Variants in UGT3A1 observed in about 807,000 individuals in gnomAD.
UGT3A1 encodes the protein UDP-glycosyltransferase 3A1.
Under a neutral mutation model 37.6 loss-of-function variants are expected in UGT3A1, and 40 were observed. That is an observed-to-expected ratio of 1.06 (90% CI 0.83 to 1.38). The LOEUF is 1.38. Among genes scored for constraint, UGT3A1 ranks in the 40% most tolerant of loss-of-function variants. The pLI is 0.00. For synonymous variants in UGT3A1, 256 were observed against 232.3 expected, an observed-to-expected ratio of 1.10 and a Z score of -0.93; for missense variants, 642 against 634.2, an observed-to-expected ratio of 1.01 and a Z score of -0.13.
Position 35,954,500 on chromosome 5 carries a change from G to A in UGT3A1, c.1296-22C>T, listed in dbSNP as rs1230088596. ...GTACCTGTTGGCGGAGACAGAGAGGGTGTGTTACTGACGTAGCCTCACAAG... is the reference window on the plus strand; with the variant it reads ...GTACCTGTTGGCGGAGACAGAGAGGATGTGTTACTGACGTAGCCTCACAAG... On this transcript the variant is annotated intron_variant, in intron 6 of 6. Transcript: ENST00000274278. 4.3e-6 allele frequency: 7 copies of A among 1,610,508 alleles called. No homozygotes were observed. In the South Asian group the frequency reaches 5.5e-5, roughly 13 times the overall value.
At chr5:35,991,752 C>T, upstream of UGT3A1, 1 of 586,762 alleles carries the variant, frequency 1.7e-6, no homozygotes, top group Non-Finnish European at 2.2e-6. Context: ...TAGCTGGTGT[C>T]CCAAGCTCAA....
chr5:35,984,140 T>C (rs1213232439), intron 2 of UGT3A1, among the ~76,000 whole-genome samples: 1 of 152,182 alleles, frequency 6.6e-6, no homozygotes, highest in Admixed American at 6.5e-5. Context: ...CATGATTTTA[T>C]ACTTAAAAAA....
At chr5:35,976,340 C>T (rs538562865) in intron 2 of UGT3A1, among the ~76,000 whole-genome samples, 1 of 152,236 alleles carries the variant, frequency 6.6e-6, no homozygotes, top group South Asian at 2.1e-4. Context: ...TCTCTTAGGG[C>T]ATCTCTAAGT....
intron 2 of UGT3A1, among the ~76,000 whole-genome samples, chr5:35,979,814 T>C (rs1445896): frequency 0.27 from 41,411 of 152,130 alleles, 6,976 homozygotes; most frequent in Non-Finnish European, 0.38. Flanking sequence ...AGATATTTAA[T>C]GGACTCACAG....
At chr5:35,962,702 T>C in intron 4 of UGT3A1, 2 of 574,646 alleles carry the variant, frequency 3.5e-6, no homozygotes, top group South Asian at 4.3e-5. Context: ...AGCTGCCAGA[T>C]GGTATCACAA....
At position 35,954,011 on chromosome 5, in the gene UGT3A1, C is replaced by T. The variant is rs1487860083; in HGVS notation, c.*191G>A. 3 of 619,920 alleles carry T rather than the reference C, an allele frequency of 4.8e-6. No homozygotes were observed. Among genetic ancestry groups the T allele is most frequent in the Non-Finnish European group, 5.4e-6 (2 of 368,734 alleles). The allele number at this position is 619,920 out of a possible 1,614,324, so 38.4% of individuals were successfully genotyped here. A position where few individuals can be genotyped will look rare whatever the true frequency, so the allele number is the denominator to read the frequency against. ...GTATCTGAGCTGGGGTTTCAAGTCA[C>T]AAGGGGCAAGTCAAGAAGCCTCAGT... On this transcript the variant is annotated 3_prime_UTR_variant, in exon 7 of 7. Transcript: ENST00000274278.
chr5:35,975,472 A>G (rs1458985199), intron 2 of UGT3A1, among the ~76,000 whole-genome samples: 1 of 152,178 alleles, frequency 6.6e-6, no homozygotes, highest in Non-Finnish European at 1.5e-5. Flanking sequence ...CAATGCTTCC[A>G]CCAAAGCTAC....
chr5:35,974,463 T>G lies in UGT3A1; in HGVS notation c.197-6330A>C, dbSNP rs1423344684. Among the ~76,000 whole-genome samples the G allele has an allele frequency of 2.6e-5, 4 of 152,278 alleles. No homozygotes were observed. In the East Asian group the frequency reaches 5.8e-4, roughly 22 times the overall value. On this transcript the variant is annotated intron_variant, in intron 2 of 6. Coordinates refer to ENST00000274278, the MANE Select transcript of UGT3A1 (RefSeq NM_152404.4). The stretch of plus-strand genomic sequence containing the variant: ...GCAAAACAGAAAACCAAAGCAATAT[T>G]GCACTCTACAGAGATTTCAAAGACT...
chr5:35,962,252 A>C (rs1739614975), intron 4 of UGT3A1: 1 of 152,382 alleles, frequency 6.6e-6, no homozygotes, highest in East Asian at 1.9e-4. Flanking sequence ...GAAAGCCTCT[A>C]TCTATCTGTC....
chr5:35,955,311 G>T (rs983923563), intron 6 of UGT3A1: 3 of 512,488 alleles, frequency 5.9e-6, no homozygotes, highest in African/African-American at 5.7e-5. Context: ...GAGGTGAGAA[G>T]AGCAGGCACA....
chr5:35,972,428 C>T (rs1397678776), intron 2 of UGT3A1, among the ~76,000 whole-genome samples: 1 of 151,690 alleles, frequency 6.6e-6, no homozygotes, highest in Non-Finnish European at 1.5e-5. Flanking sequence ...TTCCAGCTTG[C>T]CTACCTGACC....
chr5:35,964,789 C>G (rs2149959870), intron 4 of UGT3A1, among the ~76,000 whole-genome samples: 1 of 152,350 alleles, frequency 6.6e-6, no homozygotes, highest in African/African-American at 2.4e-5. Context: ...TCTTCTATAG[C>G]AGTGGTTCTG....
upstream of UGT3A1, among the ~76,000 whole-genome samples, chr5:35,992,117 A>G (rs1740970424): frequency 6.6e-6 from 1 of 152,240 alleles, no homozygotes; most frequent in Non-Finnish European, 1.5e-5. Context: ...GTGCAATTCT[A>G]GACAGACAGA....
chr5:35,966,409 C>CT (rs779226712), intron 3 of UGT3A1, among the ~76,000 whole-genome samples: 2 of 152,108 alleles, frequency 1.3e-5, no homozygotes, highest in Non-Finnish European at 2.9e-5. Context: ...ATGCAGTGAA[C>CT]TTTTTGATGA....
intron 3 of UGT3A1, 147 bp from the exon 4 acceptor site, chr5:35,966,064 T>A: frequency 3.1e-6 from 2 of 639,234 alleles, no homozygotes; most frequent in Non-Finnish European, 4.9e-6. Context: ...CAACAAATAC[T>A]CTCAGCTCTG....
intron 2 of UGT3A1, among the ~76,000 whole-genome samples, chr5:35,978,413 T>C (rs2149979676): frequency 6.6e-6 from 1 of 152,268 alleles, no homozygotes; most frequent in East Asian, 1.9e-4. Context: ...TCTAATGGAC[T>C]CACAGTTCCA....
chr5:35,978,809 C>T (rs191230172), intron 2 of UGT3A1, among the ~76,000 whole-genome samples: 54 of 152,174 alleles, frequency 3.5e-4, no homozygotes, highest in African/African-American at 1.0e-3. Flanking sequence ...ATGTCTCATC[C>T]GAGACAAGGC....
chr5:35,983,383 T>C (rs976599721), intron 2 of UGT3A1, among the ~76,000 whole-genome samples: 5 of 152,074 alleles, frequency 3.3e-5, no homozygotes, highest in Non-Finnish European at 7.4e-5. Context: ...AAACTTATCA[T>C]GAGGAATGAA....
At chr5:35,962,713 T>C (rs762767805) in intron 4 of UGT3A1, 15 of 585,248 alleles carry the variant, frequency 2.6e-5, no homozygotes, top group African/African-American at 3.7e-5. Context: ...GGTATCACAA[T>C]GAATGGTTCC....
Sources: gnomAD v4.1 joint callset for allele counts (sites outside exome capture counted in the v4.1 genomes callset) on GRCh38, gnomAD v4.1.1 for gene constraint, MANE v1.5 for transcripts, NCBI Gene and HGNC (gene_info 2026-07-23, HGNC 2026-07-21) for gene names.